Variants in BTBD9 observed in about 807,000 individuals in gnomAD.
The protein encoded by BTBD9 is BTB domain containing 9.
A neutral mutation model predicts 64.3 loss-of-function variants in BTBD9; 49 were observed. The ratio of observed to expected loss-of-function variants is 0.76; its 90% confidence interval spans 0.61 to 0.97. BTBD9 has a LOEUF of 0.97. Ranked by LOEUF, BTBD9 falls within the 50% of genes least tolerant of loss-of-function variation. The probability of loss-of-function intolerance (pLI) is 0.00; values close to 1 mark genes in which losing one functional copy is unlikely to be tolerated. For missense variants in BTBD9, 598 were observed against 762.1 expected (o/e 0.78, Z 2.53); for synonymous variants, 260 against 274.7 (o/e 0.95, Z 0.53).
intron 1 of BTBD9, among the ~76,000 whole-genome samples, chr6:38,628,677 G>A (rs1479176400): frequency 6.6e-6 from 1 of 152,078 alleles, no homozygotes; most frequent in East Asian, 1.9e-4. Flanking sequence ...GAAGGTGTCA[G>A]TATGAACTCA....
chr6:38,465,741 ATATATATATATATATGTATG>A (rs1396773342), intron 6 of BTBD9, among the ~76,000 whole-genome samples: 38 of 48,074 alleles, frequency 7.9e-4, no homozygotes, highest in African/African-American at 2.6e-3. Context: ...ATATATATAT[ATATATATATATATATGTATG>A]TATGTATGTA....
chr6:38,241,451 T>C (rs1763989657), intron 9 of BTBD9, among the ~76,000 whole-genome samples: 1 of 152,248 alleles, frequency 6.6e-6, no homozygotes, highest in Non-Finnish European at 1.5e-5. Flanking sequence ...TCAAGATTGC[T>C]AAGCCACATT....
intron 6 of BTBD9, among the ~76,000 whole-genome samples, chr6:38,382,114 C>T (rs1177054578): frequency 6.6e-6 from 1 of 152,050 alleles, no homozygotes; most frequent in African/African-American, 2.4e-5. Context: ...TAGGGGAAGG[C>T]TTGGTGAAGA....
At position 38,429,455 on chromosome 6, in the gene BTBD9, C is replaced by CAAA. The variant is rs201995368; in HGVS notation, c.1155-84365_1155-84363dup. On this transcript the variant is annotated intron_variant, in intron 6 of 10. Coordinates refer to ENST00000481247, the MANE Select transcript of BTBD9 (RefSeq NM_001099272.2). ...GGGTGACAAGAGCAAGACTACGTCT[C>CAAA]AAAAAAAAAAAAAAAAGAAAGAAAA... Among the ~76,000 whole-genome samples, 397 of 102,478 alleles carry CAAA rather than the reference C, an allele frequency of 3.9e-3. 1 individual carries two copies. The highest frequency in any genetic ancestry group is 9.2e-3 in the Middle Eastern group (2 of 218). The allele number at this position is 102,478 out of a possible 152,430, so 67.2% of individuals were successfully genotyped here.
At chr6:38,378,669 T>A (rs1399581193) in intron 6 of BTBD9, among the ~76,000 whole-genome samples, 1 of 150,154 alleles carries the variant, frequency 6.7e-6, no homozygotes, top group Non-Finnish European at 1.5e-5. Flanking sequence ...AGGTCAGGAG[T>A]TCTAGATCGG....
At chr6:38,554,910 G>A (rs1430807137) in intron 6 of BTBD9, among the ~76,000 whole-genome samples, 1 of 152,162 alleles carries the variant, frequency 6.6e-6, no homozygotes, top group Non-Finnish European at 1.5e-5. Flanking sequence ...TTACAAACAC[G>A]TTTTCCTTTT....
intron 1 of BTBD9, among the ~76,000 whole-genome samples, chr6:38,613,701 T>G (rs1325195578): frequency 1.3e-5 from 2 of 152,112 alleles, no homozygotes; most frequent in Non-Finnish European, 2.9e-5. Context: ...TCCTGCACAT[T>G]TTGTTTCAAT....
At chr6:38,187,908 G>A (rs1183517706) in intron 10 of BTBD9, among the ~76,000 whole-genome samples, 1 of 152,044 alleles carries the variant, frequency 6.6e-6, no homozygotes, top group Non-Finnish European at 1.5e-5. Flanking sequence ...GCGTGCCAGA[G>A]CAGGTGATCA....
intron 10 of BTBD9, among the ~76,000 whole-genome samples, chr6:38,178,715 A>G (rs1312765400): frequency 7.8e-6 from 1 of 127,988 alleles, no homozygotes; most frequent in Non-Finnish European, 1.6e-5. Flanking sequence ...GGGTGGCAAC[A>G]GAGCAAGGAG....
intron 6 of BTBD9, among the ~76,000 whole-genome samples, chr6:38,440,998 GA>G (rs1270279161): frequency 1.3e-5 from 2 of 152,122 alleles, no homozygotes; most frequent in Admixed American, 6.5e-5. Flanking sequence ...ATGCTTCCCA[GA>G]AACACCCTGT....
chr6:38,556,089 T>A (rs1237364032), intron 6 of BTBD9, among the ~76,000 whole-genome samples: 1 of 152,200 alleles, frequency 6.6e-6, no homozygotes, highest in Admixed American at 6.5e-5. Context: ...AGGTAATGAA[T>A]ATTCAGCTAA....
intron 9 of BTBD9, among the ~76,000 whole-genome samples, chr6:38,193,199 C>T (rs949688081): frequency 6.6e-6 from 1 of 152,182 alleles, no homozygotes; most frequent in South Asian, 2.1e-4. Context: ...TCATCAGATG[C>T]GCATCTGAGC....
At chr6:38,425,022 G>A (rs1200444510) in intron 6 of BTBD9, among the ~76,000 whole-genome samples, 1 of 151,234 alleles carries the variant, frequency 6.6e-6, no homozygotes, top group Admixed American at 6.6e-5. Flanking sequence ...GTAGAGACAG[G>A]GCTTCACTAT....
At chr6:38,258,062 T>G (rs1309577122) in intron 8 of BTBD9, among the ~76,000 whole-genome samples, 1 of 152,026 alleles carries the variant, frequency 6.6e-6, no homozygotes, top group African/African-American at 2.4e-5. Flanking sequence ...CTCGGCTCAT[T>G]GCAACCTCCG....
intron 6 of BTBD9, chr6:38,402,848 G>A (rs1477218908): frequency 7.1e-6 from 5 of 701,122 alleles, no homozygotes; most frequent in Non-Finnish European, 1.3e-5. Context: ...AGGGAGGATT[G>A]CTTGAGCTCA....
At chr6:38,374,306 T>TATATATATATATATATAC (rs1491240635) in intron 6 of BTBD9, among the ~76,000 whole-genome samples, 8 of 84,638 alleles carry the variant, frequency 9.5e-5, no homozygotes, top group Admixed American at 2.6e-4. Flanking sequence ...TGTATATATA[T>TATATATATATATATATAC]GTATATATAT....
intron 6 of BTBD9, among the ~76,000 whole-genome samples, chr6:38,397,502 A>C (rs1206736952): frequency 6.6e-6 from 1 of 152,200 alleles, no homozygotes; most frequent in African/African-American, 2.4e-5. Context: ...AACATGTTGG[A>C]AGGTAGGATT....
chr6:38,346,058 A>G (rs1274062664), intron 6 of BTBD9, among the ~76,000 whole-genome samples: 3 of 152,248 alleles, frequency 2.0e-5, no homozygotes, highest in Non-Finnish European at 2.9e-5. Context: ...ATTATGAACT[A>G]TGCACTCTGA....
At chr6:38,469,641 T>C (rs1190120522) in intron 6 of BTBD9, among the ~76,000 whole-genome samples, 1 of 152,192 alleles carries the variant, frequency 6.6e-6, no homozygotes, top group East Asian at 1.9e-4. Flanking sequence ...TAAAATACCC[T>C]GTATGATTCA....
Sources: gnomAD v4.1 joint callset for allele counts (sites outside exome capture counted in the v4.1 genomes callset) on GRCh38, gnomAD v4.1.1 for gene constraint, MANE v1.5 for transcripts, NCBI Gene and HGNC (gene_info 2026-07-23, HGNC 2026-07-21) for gene names.